The following PCDHGA5 variants were observed in gnomAD, a reference collection of about 807,000 sequenced individuals.
PCDHGA5 encodes protocadherin gamma-A5.
In PCDHGA5, 36 loss-of-function variants were observed where a neutral mutation model predicts 56.7. The ratio of observed to expected loss-of-function variants is 0.64; its 90% CI spans 0.49 to 0.84. The LOEUF is 0.84. PCDHGA5 is among the 40% of genes least tolerant of loss of function. The pLI, the probability that PCDHGA5 is intolerant of heterozygous loss-of-function variation, is 0.00. For synonymous variants in PCDHGA5, 563 were observed against 520.2 expected (o/e 1.08, Z -1.12); for missense variants, 1,305 against 1,201.5 (o/e 1.09, Z -1.27).
chr5:141,373,392 A>G (rs1769542024), intron 1 of PCDHGA5, among the ~76,000 whole-genome samples: 1 of 152,218 alleles, frequency 6.6e-6, no homozygotes, highest in Non-Finnish European at 1.5e-5. Context: ...TTTGTGTAGC[A>G]TATGCCTGTA....
intron 1 of PCDHGA5, chr5:141,422,371 C>A: frequency 6.4e-7 from 1 of 1,567,208 alleles, no homozygotes; most frequent in South Asian, 1.2e-5. Context: ...AGAAAATGGT[C>A]AAGTCTCCTG....
chr5:141,487,181 C>T lies in PCDHGA5; in HGVS notation c.2422-7626C>T. 3 of 1,612,732 alleles carry T rather than the reference C, an allele frequency of 1.9e-6. No individual in the cohort carries two copies. The highest frequency in any genetic ancestry group is 1.1e-5 in the South Asian group (1 of 91,060). ...CTTAGTGTCCTTAGAGGAAGACACT[C>T]ATCCAGTTGTCCCAGATCTTCGAGA... On this transcript the variant is annotated intron_variant, in intron 1 of 3. Transcript: ENST00000518069. This position sits in a 1 kb window ranked among gnomAD's most constrained non-coding sequence, Gnocchi z 5.0.
At chr5:141,505,554 C>T in intron 3 of PCDHGA5, 73 bp downstream of exon 3, 1 of 1,606,130 alleles carries the variant, frequency 6.2e-7, no homozygotes, top group Non-Finnish European at 8.5e-7. Context: ...AGCCACCATG[C>T]CCACGGACTG....
rs201408987 is a variant in PCDHGA5, at chr5:141,476,857, C to T, written c.2422-17950C>T. 12 of 1,613,768 alleles carry T rather than the reference C, an allele frequency of 7.4e-6. No individual in the cohort carries two copies. The highest frequency in any genetic ancestry group is 1.0e-5 in the Non-Finnish European group (12 of 1,180,054). ...ACAATGCGCCTGTCTTCAACCAGTC[C>T]TTGTACCGGGCGCGCGTCCTGGAGG... On this transcript the variant is annotated intron_variant, in intron 1 of 3. Transcript: ENST00000518069. The surrounding 1 kb of genome is among the most constrained non-coding windows in gnomAD (Gnocchi z 7.6).
At chr5:141,466,864 C>G (rs925681539) in intron 1 of PCDHGA5, among the ~76,000 whole-genome samples, 24 of 151,910 alleles carry the variant, frequency 1.6e-4, no homozygotes, top group African/African-American at 5.3e-4. Flanking sequence ...TTTTGAAATC[C>G]ACACATTTTT....
At chr5:141,460,546 C>A (rs182506898) in intron 1 of PCDHGA5, among the ~76,000 whole-genome samples, 51 of 152,152 alleles carry the variant, frequency 3.4e-4, no homozygotes, top group African/African-American at 1.1e-3. Context: ...GCACCTTAAT[C>A]AAAAATCATT....
At chr5:141,408,791 G>C (rs1260366830) in intron 1 of PCDHGA5, 1 of 1,612,540 alleles carries the variant, frequency 6.2e-7, no homozygotes, top group East Asian at 2.2e-5. Context: ...GTTATCTCTG[G>C]AGAAACTCCT....
rs902072815 is a variant in PCDHGA5, at chr5:141,495,024, C to A, written c.2480+159C>A. On this transcript the variant is annotated intron_variant, in intron 2 of 3. Coordinates refer to ENST00000518069, the MANE Select transcript of PCDHGA5 (RefSeq NM_018918.3). ...GGTGTGCGGGGGGCTGGCACACAGACCCCGGAAGGAAGAGGCGACTGCCCT... is the reference window on the plus strand; with the variant it reads ...GGTGTGCGGGGGGCTGGCACACAGAACCCGGAAGGAAGAGGCGACTGCCCT... The A allele has an allele frequency of 1.6e-5, 16 of 973,368 alleles. No homozygotes were observed. In the South Asian group the frequency reaches 5.7e-4, roughly 35 times the overall value. The allele number at this position is 973,368 out of a possible 1,614,324, so 60.3% of individuals were successfully genotyped here. A position where few individuals can be genotyped will look rare whatever the true frequency, so the allele number is the denominator to read the frequency against.
At chr5:141,371,292 G>T (rs527250082) in intron 1 of PCDHGA5, 1 of 1,613,858 alleles carries the variant, frequency 6.2e-7, no homozygotes, top group South Asian at 1.1e-5. Flanking sequence ...TAAAACGGGG[G>T]AACTCACCAC....
rs1330659052 is a variant in PCDHGA5, at chr5:141,490,012, G to T, written c.2422-4795G>T. On this transcript the variant is annotated intron_variant, in intron 1 of 3. Transcript: ENST00000518069. The surrounding 1 kb of genome is among the most constrained non-coding windows in gnomAD (Gnocchi z 5.4). ...GGGAATCCCAGAGAATGCACCCATT[G>T]GTACTCTGCTGCTCCGCCTCAATGC... The T allele has an allele frequency of 1.2e-6, 2 of 1,614,232 alleles. No homozygotes were observed. Among genetic ancestry groups the T allele is most frequent in the East Asian group, 4.5e-5 (2 of 44,888 alleles).
At chr5:141,450,829 A>ATTAT (rs1554136902) in intron 1 of PCDHGA5, among the ~76,000 whole-genome samples, 14 of 135,142 alleles carry the variant, frequency 1.0e-4, no homozygotes, top group African/African-American at 3.3e-4. Context: ...TATTATTATT[A>ATTAT]TTTTTTTTTT....
At chr5:141,394,821 G>A (rs2093106496) in intron 1 of PCDHGA5, 2 of 1,613,744 alleles carry the variant, frequency 1.2e-6, no homozygotes, top group East Asian at 2.2e-5. Flanking sequence ...CAGCATCCCC[G>A]AAGTCCTGAC....
intron 1 of PCDHGA5, chr5:141,399,413 C>A (rs1456440098): frequency 1.2e-6 from 2 of 1,613,930 alleles, no homozygotes; most frequent in African/African-American, 1.3e-5. Context: ...CCGCCCCTCT[C>A]CTCCAGCATA....
chr5:141,482,470 C>T (rs768383368), intron 1 of PCDHGA5, among the ~76,000 whole-genome samples: 8 of 137,876 alleles, frequency 5.8e-5, no homozygotes, highest in Non-Finnish European at 1.2e-4. Flanking sequence ...ATGTGCCAGA[C>T]ACTGTAAACA....
intron 1 of PCDHGA5, among the ~76,000 whole-genome samples, chr5:141,444,152 ATTTTTTTTTTTTTTT>A (rs747671382): frequency 3.8e-4 from 13 of 33,894 alleles, no homozygotes; most frequent in East Asian, 1.0e-3. Context: ...TGTGTACTGG[ATTTTTTTTTTTTTTT>A]TTTTTTTTTT....
intron 1 of PCDHGA5, among the ~76,000 whole-genome samples, chr5:141,473,126 A>C (rs2154571574): frequency 6.6e-6 from 1 of 152,356 alleles, no homozygotes; most frequent in South Asian, 2.1e-4. Flanking sequence ...GCTCTTTGGC[A>C]AACTATATTA....
rs758066525 is a variant in PCDHGA5, at chr5:141,477,331, T to C, written c.2422-17476T>C. The C allele has an allele frequency of 7.4e-6, 12 of 1,614,024 alleles. No individual in the cohort carries two copies. In the East Asian group the frequency reaches 1.1e-4, roughly 15 times the overall value. Reference sequence around the variant, plus strand: ...TCAGCCTTACTTCTTCCCTCAAGAATTACTTCACTTTGAAAACCAGTGCAG... The same window carrying C: ...TCAGCCTTACTTCTTCCCTCAAGAACTACTTCACTTTGAAAACCAGTGCAG... On this transcript the variant is annotated intron_variant, in intron 1 of 3. Coordinates refer to ENST00000518069, the MANE Select transcript of PCDHGA5 (RefSeq NM_018918.3). This position sits in a 1 kb window ranked among gnomAD's most constrained non-coding sequence, Gnocchi z 4.9.
intron 1 of PCDHGA5, 78 bp from the exon 2 acceptor site, chr5:141,494,729 C>CG: frequency 6.2e-7 from 1 of 1,610,168 alleles, no homozygotes; most frequent in South Asian, 1.1e-5. Context: ...CCTTCTCTCC[C>CG]GGCCCATCCC....
chr5:141,369,589 A>G (rs1339057936), intron 1 of PCDHGA5, among the ~76,000 whole-genome samples: 1 of 152,238 alleles, frequency 6.6e-6, no homozygotes, highest in Non-Finnish European at 1.5e-5. Flanking sequence ...GCTTTTTACT[A>G]TACTTCTATT....
Sources: gnomAD v4.1 joint callset for allele counts (sites outside exome capture counted in the v4.1 genomes callset) on GRCh38, gnomAD v4.1.1 for gene constraint, Gnocchi (gnomAD v3.1) non-coding constraint, MANE v1.5 for transcripts, NCBI Gene and HGNC (gene_info 2026-07-23, HGNC 2026-07-21) for gene names.